SERINC5: variants seen among roughly 807,000 people sequenced by gnomAD.
The protein encoded by SERINC5 is chromosome 5 open reading frame 12.
A neutral mutation model predicts 63.1 loss-of-function variants in SERINC5; 41 were observed. The ratio of observed to expected loss-of-function variants is 0.65; its 90% CI spans 0.51 to 0.84. The LOEUF (loss-of-function observed/expected upper bound fraction) is 0.84. Ranked by LOEUF, SERINC5 falls within the 40% of genes least tolerant of loss-of-function variation. SERINC5 has a pLI of 0.00. For synonymous variants in SERINC5, 222 were observed against 215.2 expected (o/e 1.03, Z -0.28); for missense variants, 523 against 573.0 (o/e 0.91, Z 0.89).
intron 2 of SERINC5, among the ~76,000 whole-genome samples, chr5:80,183,105 G>A (rs1296311052): frequency 6.7e-6 from 1 of 148,178 alleles, no homozygotes; most frequent in Non-Finnish European, 1.5e-5. Context: ...GTACAGACTT[G>A]AGGCAAGGGG....
At chr5:80,122,513 C>T (rs1457138506) in intron 11 of SERINC5, among the ~76,000 whole-genome samples, 1 of 152,136 alleles carries the variant, frequency 6.6e-6, no homozygotes, top group African/African-American at 2.4e-5. Flanking sequence ...AAGATCAATC[C>T]TTTCAATCCA....
chr5:80,200,544 A>G (rs1208304992), intron 2 of SERINC5, among the ~76,000 whole-genome samples: 2 of 152,094 alleles, frequency 1.3e-5, no homozygotes, highest in Admixed American at 1.3e-4. Flanking sequence ...TCTGAATTAT[A>G]AGCTCCATTT....
chr5:80,145,960 G>C (rs1438405607), intron 11 of SERINC5, 130 bp downstream of exon 11: 4 of 910,560 alleles, frequency 4.4e-6, no homozygotes, highest in Admixed American at 2.4e-5. Context: ...CAGTGAGCCA[G>C]GATCGTGCCA....
intron 11 of SERINC5, chr5:80,128,892 A>C (rs1744838534): frequency 6.6e-6 from 1 of 152,196 alleles, no homozygotes; most frequent in African/African-American, 2.4e-5. Context: ...GCTCCTCTGC[A>C]CAGCTGTTTT....
chr5:80,230,018 T>C (rs1240678598), intron 1 of SERINC5, among the ~76,000 whole-genome samples: 1 of 152,124 alleles, frequency 6.6e-6, no homozygotes, highest in Non-Finnish European at 1.5e-5. Flanking sequence ...TTCCTCAAAC[T>C]CTGGGAGATT....
intron 1 of SERINC5, among the ~76,000 whole-genome samples, chr5:80,238,615 C>A (rs1244858690): frequency 6.6e-6 from 1 of 152,002 alleles, no homozygotes; most frequent in African/African-American, 2.4e-5. Flanking sequence ...AAAACCCGAT[C>A]TCTACTAAAA....
chr5:80,125,364 A>G (rs1261525453), intron 11 of SERINC5, among the ~76,000 whole-genome samples: 2 of 152,218 alleles, frequency 1.3e-5, no homozygotes, highest in African/African-American at 2.4e-5. Context: ...TGCTTCCTAG[A>G]GGGCATGCTG....
intron 11 of SERINC5, among the ~76,000 whole-genome samples, chr5:80,124,594 G>A (rs952987548): frequency 2.6e-5 from 4 of 152,182 alleles, no homozygotes; most frequent in African/African-American, 4.8e-5. Context: ...AAGCTGCACA[G>A]CCATGGGAAG....
At position 80,141,245 on chromosome 5, in the gene SERINC5, A is replaced by T. The variant is rs1395563250; in HGVS notation, c.*2418T>A. 1 of 985,350 alleles carries T rather than the reference A, an allele frequency of 1.0e-6. No individual in the cohort carries two copies. Among genetic ancestry groups the T allele is most frequent in the Non-Finnish European group, 1.2e-6 (1 of 829,960 alleles). The allele number at this position is 985,350 out of a possible 1,614,324, so 61.0% of individuals were successfully genotyped here. A position where few individuals can be genotyped will look rare whatever the true frequency, so the allele number is the denominator to read the frequency against. ...GTAACTCTTCCTCTTGCATCAGACCAACCGGCAGAAGGGAACGGGATGTCA... is the reference window on the plus strand; with the variant it reads ...GTAACTCTTCCTCTTGCATCAGACCTACCGGCAGAAGGGAACGGGATGTCA... On this transcript the variant is annotated 3_prime_UTR_variant, in exon 12 of 12. Transcript: ENST00000507668.
chr5:80,232,909 G>A (rs1287439508), intron 1 of SERINC5, among the ~76,000 whole-genome samples: 1 of 152,158 alleles, frequency 6.6e-6, no homozygotes, highest in East Asian at 1.9e-4. Flanking sequence ...AATAGGAAAC[G>A]TCTACAAAAG....
chr5:80,147,797 AC>A (rs1386557723), intron 9 of SERINC5, among the ~76,000 whole-genome samples: 2 of 151,760 alleles, frequency 1.3e-5, no homozygotes, highest in African/African-American at 4.8e-5. Flanking sequence ...CAAGAGCCCC[AC>A]TCTCCTGGTG....
At chr5:80,245,400 C>T (rs1752126248) in intron 1 of SERINC5, among the ~76,000 whole-genome samples, 2 of 152,104 alleles carry the variant, frequency 1.3e-5, no homozygotes, top group Non-Finnish European at 2.9e-5. Flanking sequence ...TGCCAAGGGA[C>T]CCCCAGCTTC....
intron 11 of SERINC5, among the ~76,000 whole-genome samples, chr5:80,126,992 T>C (rs1300406320): frequency 2.0e-5 from 3 of 152,188 alleles, no homozygotes; most frequent in African/African-American, 7.2e-5. Flanking sequence ...ATCACCATAA[T>C]TCCAACACCC....
At chr5:80,117,493 C>A (rs1488724559) in intron 11 of SERINC5, among the ~76,000 whole-genome samples, 3 of 152,008 alleles carry the variant, frequency 2.0e-5, no homozygotes, top group Admixed American at 6.6e-5. Flanking sequence ...TCACACAGAG[C>A]CACTGACTGG....
chr5:80,166,737 C>A (rs910633597), intron 6 of SERINC5: 1 of 316,226 alleles, frequency 3.2e-6, no homozygotes, highest in South Asian at 3.4e-5. Flanking sequence ...CTTTATCAAG[C>A]CTATGGCTAC....
intron 1 of SERINC5, among the ~76,000 whole-genome samples, chr5:80,232,875 G>A (rs1419273526): frequency 6.6e-6 from 1 of 152,100 alleles, no homozygotes; most frequent in Non-Finnish European, 1.5e-5. Flanking sequence ...TAGTCCTAAA[G>A]ACTGTACATT....
intron 2 of SERINC5, among the ~76,000 whole-genome samples, chr5:80,191,620 GCCA>G (rs2112460554): frequency 6.8e-6 from 1 of 146,336 alleles, no homozygotes; most frequent in East Asian, 2.0e-4. Flanking sequence ...CCATGATCGT[GCCA>G]CCACATTCCA....
intron 1 of SERINC5, among the ~76,000 whole-genome samples, chr5:80,239,510 G>A (rs1243413750): frequency 6.9e-6 from 1 of 144,712 alleles, no homozygotes; most frequent in South Asian, 2.2e-4. Context: ...ATGTACCAAC[G>A]ACATGACAAG....
At chr5:80,182,223 T>C (rs1037623368) in intron 2 of SERINC5, among the ~76,000 whole-genome samples, 2 of 152,124 alleles carry the variant, frequency 1.3e-5, no homozygotes, top group African/African-American at 4.8e-5. Context: ...AAGACACAAA[T>C]GTTCGTGGAC....
Sources: gnomAD v4.1 joint callset for allele counts (sites outside exome capture counted in the v4.1 genomes callset) on GRCh38, gnomAD v4.1.1 for gene constraint, MANE v1.5 for transcripts, NCBI Gene and HGNC (gene_info 2026-07-23, HGNC 2026-07-21) for gene names.